Variants in METTL15 observed in about 807,000 individuals in gnomAD.
The protein encoded by METTL15 is 12S rRNA N(4)-cytidine methyltransferase METTL15.
In METTL15, 34 loss-of-function variants were observed where a neutral mutation model predicts 38.3. The ratio of observed to expected loss-of-function variants is 0.89; its 90% confidence interval spans 0.68 to 1.18. METTL15 has a LOEUF of 1.18. METTL15 is among the 50% of genes most tolerant of loss of function. METTL15 has a pLI of 0.00. For synonymous variants in METTL15, 162 were observed against 170.9 expected (o/e 0.95, Z 0.41); for missense variants, 438 against 498.4 (o/e 0.88, Z 1.15).
At chr11:28,426,060 C>A (rs1850861311) in intron 6 of METTL15, among the ~76,000 whole-genome samples, 1 of 152,080 alleles carries the variant, frequency 6.6e-6, no homozygotes, top group Non-Finnish European at 1.5e-5. Context: ...AGGTATTCAG[C>A]CCAACATTAG....
intron 6 of METTL15, among the ~76,000 whole-genome samples, chr11:28,478,500 G>A (rs962807190): frequency 2.0e-5 from 3 of 152,146 alleles, no homozygotes; most frequent in Admixed American, 6.6e-5. Context: ...TGTATTGTTT[G>A]TATCTACTAA....
chr11:28,482,172 C>T (rs1851400952), intron 6 of METTL15, among the ~76,000 whole-genome samples: 1 of 152,332 alleles, frequency 6.6e-6, no homozygotes, highest in East Asian at 1.9e-4. Context: ...CTTCACTTCT[C>T]TAATGGCTGG....
intron 5 of METTL15, among the ~76,000 whole-genome samples, chr11:28,392,738 T>C (rs1850524542): frequency 6.6e-6 from 1 of 152,006 alleles, no homozygotes; most frequent in South Asian, 2.1e-4. Context: ...GAAGAAAATA[T>C]TTGCAAACCA....
intron 4 of METTL15, among the ~76,000 whole-genome samples, chr11:28,228,961 AAC>A (rs1428233423): frequency 2.0e-5 from 3 of 151,916 alleles, no homozygotes; most frequent in African/African-American, 7.2e-5. Context: ...TTTAGAATCA[AAC>A]AGTCTTGATT....
chr11:28,113,410 T>G lies in METTL15; in HGVS notation c.76T>G (p.Leu26Val). The change falls in exon 3 of 7, where the codon TTA (leucine) becomes GTA (valine). Residue 26 changes from leucine (L) to valine (V), a missense_variant. By Grantham distance (32) the Leu-to-Val change is conservative. Coordinates refer to ENST00000407364, the MANE Select transcript of METTL15 (RefSeq NM_001113528.2). The part of the protein sequence containing the change: ...SCWLESGIPN[L>V]GVWPNRIHTT... ...TTGGTTGGAATCTGGCATACCTAAT[T>G]TAGGTGTCTGGCCAAACAGAATACA... The G allele has an allele frequency of 6.3e-7, 1 of 1,596,646 alleles. No homozygotes were observed. The highest frequency in any genetic ancestry group is 2.2e-5 in the East Asian group (1 of 44,586).
intron 3 of METTL15, among the ~76,000 whole-genome samples, chr11:28,188,413 G>A (rs895598581): frequency 2.6e-5 from 4 of 151,194 alleles, no homozygotes; most frequent in African/African-American, 9.7e-5. Flanking sequence ...TGTCAAGTCA[G>A]ATATTATTCA....
chr11:28,477,606 T>A (rs1259101506), intron 6 of METTL15: 1 of 152,094 alleles, frequency 6.6e-6, no homozygotes, highest in Admixed American at 6.5e-5. Flanking sequence ...TCCTACCTCA[T>A]CCAATATAAG....
At position 28,223,480 on chromosome 11, in the gene METTL15, A is replaced by G. The variant is rs550485218; in HGVS notation, c.407+12282A>G. ...ATAGATAGATTACATATCTTCTTAAAAATATTTATGTAATTGCAACCTGTA... is the reference window on the plus strand; with the variant it reads ...ATAGATAGATTACATATCTTCTTAAGAATATTTATGTAATTGCAACCTGTA... On this transcript the variant is annotated intron_variant, in intron 4 of 6. Transcript: ENST00000407364. Among the ~76,000 whole-genome samples the G allele has an allele frequency of 2.6e-5, 4 of 152,280 alleles. No individual in the cohort carries two copies. In the South Asian group the frequency reaches 8.3e-4, roughly 32 times the overall value.
intron 6 of METTL15, among the ~76,000 whole-genome samples, chr11:28,511,027 AT>A (rs963457329): frequency 1.6e-4 from 25 of 152,104 alleles, no homozygotes; most frequent in Admixed American, 9.2e-4. Flanking sequence ...ACTTCTTAAG[AT>A]TTTTTTACAA....
intron 6 of METTL15, among the ~76,000 whole-genome samples, chr11:28,481,001 G>T (rs1011097662): frequency 4.6e-5 from 7 of 152,144 alleles, no homozygotes; most frequent in African/African-American, 1.7e-4. Context: ...GTTTAGGCAG[G>T]AAGAAGAGAG....
chr11:28,175,243 C>T (rs1851022904), intron 3 of METTL15, among the ~76,000 whole-genome samples: 1 of 151,252 alleles, frequency 6.6e-6, no homozygotes, highest in East Asian at 2.0e-4. Context: ...TGATGGTTTC[C>T]AGCTTCATCC....
chr11:28,392,421 A>G (rs1180394510), intron 5 of METTL15, among the ~76,000 whole-genome samples: 1 of 152,092 alleles, frequency 6.6e-6, no homozygotes, highest in African/African-American at 2.4e-5. Context: ...GAAAGCCCAG[A>G]AATAGACCCT....
intron 6 of METTL15, among the ~76,000 whole-genome samples, chr11:28,482,673 C>G (rs1020877656): frequency 5.9e-5 from 9 of 152,188 alleles, no homozygotes; most frequent in African/African-American, 2.4e-5. Context: ...CTGACCAGAG[C>G]CAGTTTGTCT....
intron 5 of METTL15, among the ~76,000 whole-genome samples, chr11:28,366,569 A>C (rs576528277): frequency 6.6e-6 from 1 of 152,296 alleles, no homozygotes; most frequent in Non-Finnish European, 1.5e-5. Flanking sequence ...CTTCACCCAT[A>C]AGAAGAGAGG....
intron 6 of METTL15, among the ~76,000 whole-genome samples, chr11:28,309,048 T>C (rs1386085647): frequency 3.9e-5 from 6 of 152,214 alleles, no homozygotes; most frequent in Non-Finnish European, 5.9e-5. Context: ...CTCAGACTTA[T>C]GTTTCCAAGC....
intron 6 of METTL15, among the ~76,000 whole-genome samples, chr11:28,469,094 G>GT (rs1039714517): frequency 3.3e-5 from 5 of 152,138 alleles, no homozygotes; most frequent in African/African-American, 9.7e-5. Context: ...TCATTTGTGT[G>GT]TGTATGTGTG....
intron 6 of METTL15, among the ~76,000 whole-genome samples, chr11:28,458,290 T>G (rs1851187112): frequency 6.6e-6 from 1 of 152,204 alleles, no homozygotes; most frequent in Admixed American, 6.5e-5. Context: ...TTCTTTTTTC[T>G]TCCACATAAA....
At position 28,164,252 on chromosome 11, in the gene METTL15, G is replaced by C. The variant is rs183386838; in HGVS notation, c.271-46810G>C. Reference sequence around the variant, plus strand: ...ATGATTACTTAAAAACACACATTAGGAAGTGATGTTATCATAATGTGATCA... The same window carrying C: ...ATGATTACTTAAAAACACACATTAGCAAGTGATGTTATCATAATGTGATCA... On this transcript the variant is annotated intron_variant, in intron 3 of 6. Coordinates refer to ENST00000407364, the MANE Select transcript of METTL15 (RefSeq NM_001113528.2). 136 of 152,140 alleles carry C rather than the reference G, an allele frequency of 8.9e-4. 1 individual carries two copies. Among genetic ancestry groups the C allele is most frequent in the African/African-American group, 3.3e-3 (135 of 41,522 alleles). The allele number at this position is 152,140 out of a possible 1,614,324, so 9.4% of individuals were successfully genotyped here. A position where few individuals can be genotyped will look rare whatever the true frequency, so the allele number is the denominator to read the frequency against.
intron 4 of METTL15, among the ~76,000 whole-genome samples, chr11:28,359,135 C>A (rs1850114385): frequency 1.3e-5 from 2 of 152,148 alleles, no homozygotes; most frequent in South Asian, 4.1e-4. Context: ...ATCTTTATGT[C>A]CATGTGTACC....
Sources: allele counts gnomAD v4.1 joint callset (sites outside exome capture counted in the v4.1 genomes callset), GRCh38; gene constraint gnomAD v4.1.1; transcripts MANE v1.5; gene names NCBI Gene and HGNC (gene_info 2026-07-23, HGNC 2026-07-21).